The following JAK2 variants were observed in gnomAD, a reference collection of about 807,000 sequenced individuals.
JAK2 encodes the protein Janus kinase 2.
JAK2 carries 86 observed loss-of-function variants against 139.3 expected under a neutral mutation model. The ratio of observed to expected loss-of-function variants is 0.62; its 90% confidence interval spans 0.52 to 0.74. The LOEUF (loss-of-function observed/expected upper bound fraction) is 0.74. Ranked by LOEUF, JAK2 falls within the 30% of genes least tolerant of loss-of-function variation. The pLI is 0.00. For synonymous variants in JAK2, 490 were observed against 437.7 expected (o/e 1.12, Z -1.49); for missense variants, 1,421 against 1,360.3 (o/e 1.04, Z -0.70).
chr9:5,112,516 C>A (rs543776982), intron 22 of JAK2: 2 of 580,300 alleles, frequency 3.4e-6, no homozygotes, highest in Admixed American at 5.4e-5. Context: ...CCTTTTCCCC[C>A]CAGAGCAGAA....
intron 4 of JAK2, chr9:5,041,525 C>A (rs1464941906): frequency 3.7e-6 from 2 of 547,610 alleles, no homozygotes; most frequent in Non-Finnish European, 7.2e-6. Context: ...CCACGCCCAT[C>A]GAAGTGCTCT....
chr9:4,995,145 A>G (rs567779665), intron 2 of JAK2, among the ~76,000 whole-genome samples: 6 of 152,354 alleles, frequency 3.9e-5, no homozygotes, highest in South Asian at 4.1e-4. Flanking sequence ...GAATCTCATT[A>G]TAATTTTAAT....
intron 5 of JAK2, among the ~76,000 whole-genome samples, chr9:5,047,109 C>G (rs1212971361): frequency 6.6e-6 from 1 of 152,006 alleles, no homozygotes; most frequent in Admixed American, 6.6e-5. Context: ...AAGCAATTTT[C>G]TATTTTTTAA....
chr9:4,989,414 T>A (rs1300578004), intron 2 of JAK2, among the ~76,000 whole-genome samples: 1 of 152,148 alleles, frequency 6.6e-6, no homozygotes, highest in Non-Finnish European at 1.5e-5. Flanking sequence ...CTTTTCAAGT[T>A]GATTGTGTAT....
At chr9:5,059,607 T>G (rs1236993838) in intron 8 of JAK2, among the ~76,000 whole-genome samples, 2 of 152,176 alleles carry the variant, frequency 1.3e-5, no homozygotes, top group African/African-American at 4.8e-5. Context: ...GTCATAGTGA[T>G]AGCTTTAGTA....
At chr9:5,110,096 T>C (rs1273331465) in intron 22 of JAK2, 1 of 152,084 alleles carries the variant, frequency 6.6e-6, no homozygotes, top group African/African-American at 2.4e-5. Context: ...CTAATCCCCT[T>C]CCATTAATTC....
intron 3 of JAK2, among the ~76,000 whole-genome samples, chr9:5,029,226 G>A (rs1822981423): frequency 6.6e-6 from 1 of 152,122 alleles, no homozygotes; most frequent in Non-Finnish European, 1.5e-5. Context: ...AGGGAATAGA[G>A]AGGCCTAAGG....
chr9:5,123,519 T>A (rs1038141981), intron 23 of JAK2, among the ~76,000 whole-genome samples: 3 of 152,052 alleles, frequency 2.0e-5, no homozygotes, highest in African/African-American at 7.2e-5. Flanking sequence ...CCATTTTGTA[T>A]GTATACCACA....
chr9:5,027,021 T>C (rs1477254995), intron 3 of JAK2, among the ~76,000 whole-genome samples: 1 of 152,244 alleles, frequency 6.6e-6, no homozygotes. Flanking sequence ...ATTTGATACC[T>C]ATTAATTAAA....
At chr9:5,069,864 T>C (rs543047807) in intron 11 of JAK2, 61 bp from the exon 12 acceptor site, 1 of 1,149,080 alleles carries the variant, frequency 8.7e-7, no homozygotes, top group South Asian at 1.7e-5. Context: ...TTACTCCTCT[T>C]TGGAGCAATT....
At chr9:5,085,239 ACCAG>A in intron 19 of JAK2, 9 of 672,478 alleles carry the variant, frequency 1.3e-5, no homozygotes, top group South Asian at 5.5e-5. Context: ...ATAGGACAGG[ACCAG>A]TGGCTAACCT....
chr9:5,020,933 A>G (rs1029478838), intron 2 of JAK2, among the ~76,000 whole-genome samples: 1 of 151,792 alleles, frequency 6.6e-6, no homozygotes, highest in African/African-American at 2.4e-5. Flanking sequence ...GCTGCTTAGG[A>G]CTCAGGGGTG....
At chr9:5,014,450 T>G (rs1821916526) in intron 2 of JAK2, among the ~76,000 whole-genome samples, 1 of 152,216 alleles carries the variant, frequency 6.6e-6, no homozygotes. Context: ...AATAATACAT[T>G]AAGGTTCTTA....
chr9:5,066,541 G>A (rs1185887390), intron 9 of JAK2, 137 bp from the exon 10 acceptor site: 7 of 556,212 alleles, frequency 1.3e-5, no homozygotes, highest in African/African-American at 2.0e-5. Context: ...TCCTTTGAAA[G>A]ATTATTGCTA....
intron 16 of JAK2, among the ~76,000 whole-genome samples, chr9:5,079,852 TA>T (rs1819562700): frequency 6.6e-6 from 1 of 151,768 alleles, no homozygotes; most frequent in Admixed American, 6.6e-5. Context: ...AAGGTAAAAC[TA>T]ATGGAAAGAG....
At chr9:5,063,296 G>T (rs12339666) in intron 8 of JAK2, among the ~76,000 whole-genome samples, 51,372 of 152,034 alleles carry the variant, frequency 0.34, 9,252 homozygotes, top group African/African-American at 0.47. Context: ...CTGTAAAGTA[G>T]TGGACTTCTC....
At chr9:5,099,214 C>A (rs1158352598) in intron 22 of JAK2, 1 of 152,186 alleles carries the variant, frequency 6.6e-6, no homozygotes, top group African/African-American at 2.4e-5. Flanking sequence ...CACTGGGCGA[C>A]CAGGTCTTTA....
At chr9:5,019,878 G>A (rs964844067) in intron 2 of JAK2, among the ~76,000 whole-genome samples, 2 of 152,194 alleles carry the variant, frequency 1.3e-5, no homozygotes, top group African/African-American at 4.8e-5. Flanking sequence ...AACTTTTGCT[G>A]GGGATGGTGA....
chr9:5,079,631 G>A (rs754081487), intron 16 of JAK2, among the ~76,000 whole-genome samples: 2 of 151,684 alleles, frequency 1.3e-5, no homozygotes, highest in Non-Finnish European at 2.9e-5. Flanking sequence ...GCAATTTTAG[G>A]ATAAACTATA....
Sources: allele counts gnomAD v4.1 joint callset (sites outside exome capture counted in the v4.1 genomes callset), GRCh38; gene constraint gnomAD v4.1.1; transcripts MANE v1.5; gene names NCBI Gene and HGNC (gene_info 2026-07-23, HGNC 2026-07-21).